The following DAAM1 variants were observed in gnomAD, a reference collection of about 807,000 sequenced individuals.
The protein encoded by DAAM1 is dishevelled associated activator of morphogenesis 1.
Under a neutral mutation model 130.0 loss-of-function variants are expected in DAAM1, and 52 were observed. The observed-to-expected ratio is 0.40, with a 90% CI of 0.32 to 0.50. The LOEUF is 0.50. Ranked by LOEUF, DAAM1 falls within the 20% of genes least tolerant of loss-of-function variation. DAAM1 has a pLI of 0.61. For synonymous variants in DAAM1, 452 were observed against 444.5 expected, an observed-to-expected ratio of 1.02 and a Z score of -0.21; for missense variants, 1,134 against 1,303.8, an observed-to-expected ratio of 0.87 and a Z score of 2.01.
intron 1 of DAAM1, among the ~76,000 whole-genome samples, chr14:59,189,429 C>T (rs972964481): frequency 7.9e-5 from 12 of 152,136 alleles, no homozygotes; most frequent in Non-Finnish European, 7.4e-5. Flanking sequence ...TGTTGGCGGC[C>T]GGGGAGGCTG....
intron 2 of DAAM1, among the ~76,000 whole-genome samples, chr14:59,278,305 A>C (rs1361030453): frequency 6.6e-6 from 1 of 152,046 alleles, no homozygotes. Context: ...GGCTCATGGA[A>C]CCATGAGGAT....
intron 16 of DAAM1, among the ~76,000 whole-genome samples, chr14:59,343,329 G>A (rs1215088045): frequency 6.6e-6 from 1 of 152,240 alleles, no homozygotes; most frequent in Non-Finnish European, 1.5e-5. Flanking sequence ...CTGTTGTCCA[G>A]GTGAGACCTG....
Position 59,368,873 on chromosome 14 carries a change from CT to C in DAAM1, c.*22del, listed in dbSNP as rs549891331. 13 of 1,610,346 alleles carry C rather than the reference CT, an allele frequency of 8.1e-6. No individual in the cohort carries two copies. Among genetic ancestry groups the C allele is most frequent in the Admixed American group, 3.3e-5 (2 of 59,724 alleles). ...CTTAATTTCTAATTTTCCATGAATA[CT>C]TTTTTTTAGAAAGCTCATTAGCAGC... On this transcript the variant is annotated 3_prime_UTR_variant, in exon 25 of 25. Transcript: ENST00000360909.
At chr14:59,192,277 G>A (rs1887756337) in intron 1 of DAAM1, among the ~76,000 whole-genome samples, 1 of 151,774 alleles carries the variant, frequency 6.6e-6, no homozygotes, top group Non-Finnish European at 1.5e-5. Flanking sequence ...ACAAGCAAAA[G>A]TTCTGATTGA....
chr14:59,205,750 A>G (rs543940908), intron 1 of DAAM1, among the ~76,000 whole-genome samples: 5 of 152,366 alleles, frequency 3.3e-5, no homozygotes, highest in Admixed American at 1.3e-4. Context: ...ATAATTTTAT[A>G]TGGTTGTCAC....
chr14:59,343,405 A>G (rs567506933), intron 16 of DAAM1, among the ~76,000 whole-genome samples: 64 of 152,272 alleles, frequency 4.2e-4, no homozygotes, highest in African/African-American at 1.5e-3. Context: ...CTTGGGGACA[A>G]TGAATAGGAA....
intron 2 of DAAM1, among the ~76,000 whole-genome samples, chr14:59,275,512 G>A (rs1381739858): frequency 2.0e-5 from 3 of 152,130 alleles, no homozygotes; most frequent in Non-Finnish European, 4.4e-5. Flanking sequence ...GGAAATTTGG[G>A]TGGATATTTG....
intron 22 of DAAM1, among the ~76,000 whole-genome samples, chr14:59,361,869 C>T (rs1272957207): frequency 6.6e-6 from 1 of 152,198 alleles, no homozygotes; most frequent in African/African-American, 2.4e-5. Flanking sequence ...ATCAGTAATG[C>T]TGTGAGGACT....
Position 59,352,589 on chromosome 14 carries a change from G to T in DAAM1, c.2224G>T (p.Asp742Tyr). The change falls in exon 18 of 25, where the codon GAT becomes TAT. Residue 742 changes from aspartate to tyrosine, a missense_variant. Coordinates refer to ENST00000360909, the MANE Select transcript of DAAM1 (RefSeq NM_001270520.2). Reference sequence around the variant, plus strand: ...ATTGGAGGAACATAAACACGAACTGGATCGGATGGCCAAGGCTGATAGGTT... The same window carrying T: ...ATTGGAGGAACATAAACACGAACTGTATCGGATGGCCAAGGCTGATAGGTT... ...DLLEEHKHELDRMAKADRFLF... is the reference protein window; with the variant it reads ...DLLEEHKHELYRMAKADRFLF... 6.2e-7 allele frequency: 1 copy of T among 1,613,602 alleles called. No individual in the cohort carries two copies. The highest frequency in any genetic ancestry group is 1.1e-5 in the South Asian group (1 of 90,892).
intron 15 of DAAM1, among the ~76,000 whole-genome samples, chr14:59,335,189 C>T (rs1885580615): frequency 6.6e-6 from 1 of 152,106 alleles, no homozygotes; most frequent in African/African-American, 2.4e-5. Context: ...ATAGGATTTT[C>T]TTTCACTCCA....
intron 16 of DAAM1, among the ~76,000 whole-genome samples, chr14:59,345,464 G>A (rs1566715770): frequency 6.6e-6 from 1 of 152,130 alleles, no homozygotes; most frequent in Non-Finnish European, 1.5e-5. Flanking sequence ...AGAAGAGAAT[G>A]GTATGAGTAC....
In DAAM1 at chr14:59,331,448, G is replaced by T. The variant is rs746735175; in HGVS notation, c.1800G>T (p.Lys600Asn). 1.9e-6 allele frequency: 3 copies of T among 1,613,404 alleles called. No individual in the cohort carries two copies. The highest frequency in any genetic ancestry group is 2.7e-5 in the African/African-American group (2 of 74,898). ...PGAPMGLALKKKSIPQPTNAL... is the reference protein window; with the variant it reads ...PGAPMGLALKNKSIPQPTNAL... ...CTCCAATGGGCCTAGCACTGAAGAA[G>T]AAAAGCATTCCTCAGCCCACAAATG... Residue 600 changes from lysine to asparagine, a missense_variant, in exon 14 of 25, where the codon AAG becomes AAT. Around this residue, in one of 3 missense-constraint regions of DAAM1, gnomAD observed 644 missense variants for 695.9 expected, o/e 0.93. Coordinates refer to ENST00000360909, the MANE Select transcript of DAAM1 (RefSeq NM_001270520.2).
intron 1 of DAAM1, among the ~76,000 whole-genome samples, chr14:59,197,880 G>T (rs1374745154): frequency 1.3e-5 from 2 of 152,142 alleles, no homozygotes; most frequent in East Asian, 1.9e-4. Context: ...TTACAGAAAA[G>T]CATGTCTTCC....
chr14:59,361,307 G>A lies in DAAM1; in HGVS notation c.2694+445G>A, dbSNP rs1424152460. Among the ~76,000 whole-genome samples the A allele has an allele frequency of 5.3e-5, 8 of 152,300 alleles. No homozygotes were observed. In the East Asian group the frequency reaches 7.7e-4, roughly 15 times the overall value. On this transcript the variant is annotated intron_variant, in intron 22 of 24. Coordinates refer to ENST00000360909, the MANE Select transcript of DAAM1 (RefSeq NM_001270520.2). Reference sequence around the variant, plus strand: ...TTACTAAGCAGACAGTGTAGTACATGCTCTAGCTGAGGGTCACGATGACTC... The same window carrying A: ...TTACTAAGCAGACAGTGTAGTACATACTCTAGCTGAGGGTCACGATGACTC...
At chr14:59,295,409 A>C (rs749434464) in intron 3 of DAAM1, among the ~76,000 whole-genome samples, 1 of 152,218 alleles carries the variant, frequency 6.6e-6, no homozygotes, top group Non-Finnish European at 1.5e-5. Flanking sequence ...ATCTAAGGAA[A>C]GTGGCTGGAA....
rs1887146489 is a variant in DAAM1 at position 59,371,018 on chromosome 14, G to GC, written c.*2161dup. The GC allele has an allele frequency of 6.6e-6, 1 of 151,488 alleles. No individual in the cohort carries two copies. The highest frequency in any genetic ancestry group is 1.5e-5 in the Non-Finnish European group (1 of 67,896). The allele number at this position is 151,488 out of a possible 1,614,324, so 9.4% of individuals were successfully genotyped here. A position where few individuals can be genotyped will look rare whatever the true frequency, so the allele number is the denominator to read the frequency against. The stretch of plus-strand genomic sequence containing the variant: ...TCCTTTGATATGGCCATCCTGGTGG[G>GC]CCTCCTTTGCCATTTCCATTTTTGG... On this transcript the variant is annotated 3_prime_UTR_variant, in exon 25 of 25. Coordinates refer to ENST00000360909, the MANE Select transcript of DAAM1 (RefSeq NM_001270520.2).
intron 3 of DAAM1, among the ~76,000 whole-genome samples, chr14:59,312,141 G>A (rs1051052484): frequency 1.3e-5 from 2 of 152,158 alleles, no homozygotes; most frequent in African/African-American, 4.8e-5. Flanking sequence ...CAGGGTCAAA[G>A]GCTATCTGGA....
chr14:59,316,394 T>C (rs916449545), intron 4 of DAAM1, among the ~76,000 whole-genome samples: 1 of 152,180 alleles, frequency 6.6e-6, no homozygotes, highest in African/African-American at 2.4e-5. Flanking sequence ...CTTTTAGAGG[T>C]CTTGACTTTT....
chr14:59,324,148 TA>T lies in DAAM1; in HGVS notation c.799del (p.Ser267AlafsTer9). The T allele has an allele frequency of 1.4e-6, 2 of 1,415,648 alleles. No individual in the cohort carries two copies. Among genetic ancestry groups the T allele is most frequent in the South Asian group, 1.9e-5 (1 of 51,658 alleles). 87.7% of individuals were successfully genotyped at this position (1,415,648 alleles called of 1,614,324 possible). On this transcript the variant is annotated frameshift_variant, in exon 7 of 25. Coordinates refer to ENST00000360909, the MANE Select transcript of DAAM1 (RefSeq NM_001270520.2). LOFTEE classifies it high-confidence loss of function. ...RFQTLINDLD[K>X]STGRYRDEVS... ...GATAGACATTAATTAACGACTTGGA[TA>T]AAAGCACTGGGCGGTATCGAGATGA...
Sources: allele counts gnomAD v4.1 joint callset (sites outside exome capture counted in the v4.1 genomes callset), GRCh38; gene constraint gnomAD v4.1.1; regional missense constraint gnomAD v4.1.1; transcripts MANE v1.5; gene names NCBI Gene and HGNC (gene_info 2026-07-23, HGNC 2026-07-21).